SNRK: variants seen among roughly 807,000 people sequenced by gnomAD.
SNRK encodes the protein SNF related kinase, also known as SNF-related serine/threonine-protein kinase.
SNRK carries 3 observed loss-of-function variants against 48.2 expected under a neutral mutation model. The observed-to-expected ratio is 0.06, with a 90% CI of 0.03 to 0.16. The LOEUF (loss-of-function observed/expected upper bound fraction) is 0.16, where lower values mean the gene tolerates loss of function less well. Ranked by LOEUF, SNRK falls within the 10% of genes least tolerant of loss-of-function variation. The pLI is 1.00. For missense variants in SNRK, 627 were observed against 976.0 expected (o/e 0.64, Z 4.76); for synonymous variants, 376 against 366.1 (o/e 1.03, Z -0.31).
At chr3:43,289,444 G>T (rs2090792526) in intron 1 of SNRK, among the ~76,000 whole-genome samples, 1 of 152,184 alleles carries the variant, frequency 6.6e-6, no homozygotes. Flanking sequence ...TTGGGGGATG[G>T]AGGAGAAGGA....
chr3:43,320,314 A>G lies in SNRK; in HGVS notation c.590-11855A>G, dbSNP rs188264546. 1.4e-3 allele frequency among the ~76,000 whole-genome samples: 210 copies of G among 152,258 alleles called. 9 individuals carry two copies. In the East Asian group the frequency reaches 0.037, roughly 27 times the overall value. On this transcript the variant is annotated intron_variant, in intron 3 of 6. Transcript: ENST00000296088. ...AGACAGACTTGTAGATGTTTGGTAT[A>G]TTTTATATGGTTTTCTTAAAAACCC...
intron 4 of SNRK, 92 bp from the exon 5 acceptor site, chr3:43,340,195 G>C (rs1195226489): frequency 1.0e-5 from 10 of 1,004,812 alleles, no homozygotes; most frequent in African/African-American, 1.6e-5. Flanking sequence ...TTAATTGATG[G>C]TATAGGAAAT....
chr3:43,337,105 G>A (rs1262048324), intron 4 of SNRK, among the ~76,000 whole-genome samples: 3 of 150,058 alleles, frequency 2.0e-5, no homozygotes, highest in Admixed American at 6.7e-5. Flanking sequence ...GTGGAGTCTC[G>A]ATCTGTCGCC....
At chr3:43,325,685 TATA>T (rs2091091856) in intron 3 of SNRK, among the ~76,000 whole-genome samples, 1 of 152,210 alleles carries the variant, frequency 6.6e-6, no homozygotes, top group South Asian at 2.1e-4. Flanking sequence ...AAGTTAACCA[TATA>T]ATAAGCCTAA....
rs114210816 is a variant in SNRK, at chr3:43,307,918, A to G, written c.589+4126A>G. ...GCTTCTTGCACCTAATAGCCAAGTT[A>G]TGAATGCAAAAGAAAAGTTCTTGAA... On this transcript the variant is annotated intron_variant, in intron 3 of 6. Coordinates refer to ENST00000296088, the MANE Select transcript of SNRK (RefSeq NM_017719.5). Among the ~76,000 whole-genome samples the G allele has an allele frequency of 4.0e-3, 612 of 152,378 alleles. 5 individuals are homozygous for G. Among genetic ancestry groups the G allele is most frequent in the African/African-American group, 0.014 (579 of 41,596 alleles).
intron 5 of SNRK, among the ~76,000 whole-genome samples, chr3:43,342,406 G>A (rs1364541731): frequency 6.6e-6 from 1 of 152,104 alleles, no homozygotes; most frequent in African/African-American, 2.4e-5. Flanking sequence ...TTAGTACTTG[G>A]CTGAAGAAAC....
At chr3:43,310,957 T>C (rs998631402) in intron 3 of SNRK, among the ~76,000 whole-genome samples, 1 of 152,214 alleles carries the variant, frequency 6.6e-6, no homozygotes, top group South Asian at 2.1e-4. Context: ...GTTAGTTGTT[T>C]GTTCATCTCT....
At chr3:43,294,854 T>G (rs967614565) in intron 1 of SNRK, among the ~76,000 whole-genome samples, 7 of 152,132 alleles carry the variant, frequency 4.6e-5, no homozygotes, top group African/African-American at 7.2e-5. Context: ...AATAAAAGCT[T>G]TAGATCAGAG....
intron 1 of SNRK, among the ~76,000 whole-genome samples, chr3:43,299,441 G>C (rs1281992285): frequency 6.6e-6 from 1 of 152,170 alleles, no homozygotes; most frequent in East Asian, 1.9e-4. Flanking sequence ...CTCCCAAAGT[G>C]CTGGGATTAC....
At chr3:43,286,855 C>T (rs2090768096) in intron 1 of SNRK, among the ~76,000 whole-genome samples, 180 bp downstream of exon 1, 1 of 145,594 alleles carries the variant, frequency 6.9e-6, no homozygotes. Context: ...CCCGGGAGGA[C>T]GCGGGGCCCG....
intron 3 of SNRK, among the ~76,000 whole-genome samples, chr3:43,311,392 A>G (rs1639516807): frequency 6.6e-6 from 1 of 152,034 alleles, no homozygotes; most frequent in African/African-American, 2.4e-5. Flanking sequence ...GTCTGATCCT[A>G]CCTGCCTTCT....
intron 2 of SNRK, among the ~76,000 whole-genome samples, chr3:43,302,822 C>T (rs2090908062): frequency 6.6e-6 from 1 of 151,954 alleles, no homozygotes; most frequent in African/African-American, 2.4e-5. Flanking sequence ...ATCAAACTTG[C>T]CAGTTTTCTT....
At chr3:43,340,565 T>C (rs2091227473) in intron 5 of SNRK, 66 bp downstream of exon 5, 1 of 1,393,710 alleles carries the variant, frequency 7.2e-7, no homozygotes, top group Non-Finnish European at 1.0e-6. Flanking sequence ...CTCTCTCTAC[T>C]TAACACAGCC....
chr3:43,339,207 G>T (rs1012593639), intron 4 of SNRK, among the ~76,000 whole-genome samples: 8 of 152,196 alleles, frequency 5.3e-5, no homozygotes, highest in Non-Finnish European at 1.0e-4. Context: ...CATTAGTTTG[G>T]AACACAGACT....
intron 3 of SNRK, among the ~76,000 whole-genome samples, chr3:43,311,618 G>A (rs1323241229): frequency 1.3e-5 from 2 of 152,274 alleles, no homozygotes; most frequent in East Asian, 3.9e-4. Flanking sequence ...CAGTGCAGTG[G>A]TGTACACCTG....
intron 2 of SNRK, among the ~76,000 whole-genome samples, chr3:43,301,261 GTATAAA>G (rs1438472653): frequency 6.6e-6 from 1 of 152,164 alleles, no homozygotes; most frequent in Non-Finnish European, 1.5e-5. Context: ...TTCTGAAGTG[GTATAAA>G]TATAAAAGTG....
intron 3 of SNRK, among the ~76,000 whole-genome samples, chr3:43,320,856 G>A (rs1168356096): frequency 6.6e-6 from 1 of 151,290 alleles, no homozygotes; most frequent in African/African-American, 2.4e-5. Context: ...TCTAGAAAGG[G>A]CTCTTCATGA....
chr3:43,316,196 TGTG>T (rs1395576037), intron 3 of SNRK, among the ~76,000 whole-genome samples: 9 of 152,338 alleles, frequency 5.9e-5, no homozygotes, highest in Admixed American at 5.9e-4. Flanking sequence ...GATTTTTAGC[TGTG>T]GTACTTATTA....
chr3:43,326,161 G>A (rs2125635507), intron 3 of SNRK, among the ~76,000 whole-genome samples: 1 of 152,170 alleles, frequency 6.6e-6, no homozygotes. Flanking sequence ...GAAAAAACAA[G>A]TTTGCACAGG....
Sources: gnomAD v4.1 joint callset for allele counts (sites outside exome capture counted in the v4.1 genomes callset) on GRCh38, gnomAD v4.1.1 for gene constraint, MANE v1.5 for transcripts, NCBI Gene and HGNC (gene_info 2026-07-23, HGNC 2026-07-21) for gene names.